Variants in KCNIP3 observed in about 807,000 individuals in gnomAD.
The protein encoded by KCNIP3 is calsenilin.
KCNIP3 carries 28 observed loss-of-function variants against 35.0 expected under a neutral mutation model. The ratio of observed to expected loss-of-function variants is 0.80; its 90% CI spans 0.59 to 1.10. KCNIP3 has a LOEUF of 1.10. Among genes scored for constraint, KCNIP3 ranks in the 50% least tolerant of loss-of-function variants. KCNIP3 has a pLI of 0.00. For missense variants in KCNIP3, 295 were observed against 338.4 expected (o/e 0.87, Z 1.01); for synonymous variants, 134 against 133.8 (o/e 1.00, Z -0.01).
chr2:95,366,060 C>A (rs764662121), intron 2 of KCNIP3, among the ~76,000 whole-genome samples: 2 of 152,022 alleles, frequency 1.3e-5, no homozygotes. Flanking sequence ...TAGCTCATGG[C>A]GGCCTTGAAC....
intron 2 of KCNIP3, among the ~76,000 whole-genome samples, chr2:95,324,126 C>T (rs1365878429): frequency 2.0e-5 from 3 of 152,348 alleles, no homozygotes; most frequent in Non-Finnish European, 2.9e-5. Flanking sequence ...GAGAGATGGG[C>T]GCTGGGCTGA....
At chr2:95,335,732 A>G (rs1215279721) in intron 2 of KCNIP3, among the ~76,000 whole-genome samples, 2 of 152,136 alleles carry the variant, frequency 1.3e-5, no homozygotes, top group Admixed American at 1.3e-4. Flanking sequence ...TTATTATCAT[A>G]ATTTATTCAA....
intron 2 of KCNIP3, among the ~76,000 whole-genome samples, chr2:95,344,848 G>A (rs2104262491): frequency 6.6e-6 from 1 of 152,340 alleles, no homozygotes; most frequent in African/African-American, 2.4e-5. Flanking sequence ...AGGAAACTGA[G>A]GCTTAGAGGG....
intron 2 of KCNIP3, among the ~76,000 whole-genome samples, chr2:95,370,392 C>T (rs1226572909): frequency 6.6e-6 from 1 of 152,226 alleles, no homozygotes; most frequent in African/African-American, 2.4e-5. Context: ...ATGTGGTTCA[C>T]AGTCCTAAAG....
chr2:95,345,194 C>G (rs1679316405), intron 2 of KCNIP3, among the ~76,000 whole-genome samples: 1 of 152,276 alleles, frequency 6.6e-6, no homozygotes, highest in Non-Finnish European at 1.5e-5. Flanking sequence ...CTCTCCCGGT[C>G]ATTTCCCACC....
intron 2 of KCNIP3, among the ~76,000 whole-genome samples, chr2:95,339,923 G>C (rs1419276424): frequency 1.3e-5 from 2 of 152,198 alleles, no homozygotes; most frequent in Non-Finnish European, 2.9e-5. Flanking sequence ...CTACCCTGTG[G>C]CTGTGTTCTC....
At chr2:95,383,745 G>A (rs1170709612) in intron 8 of KCNIP3, among the ~76,000 whole-genome samples, 1 of 152,222 alleles carries the variant, frequency 6.6e-6, no homozygotes, top group Non-Finnish European at 1.5e-5. Flanking sequence ...TCCTCTGGAG[G>A]CCAGCCGGGA....
chr2:95,309,109 T>G (rs1678249712), intron 1 of KCNIP3, among the ~76,000 whole-genome samples: 1 of 152,112 alleles, frequency 6.6e-6, no homozygotes, highest in Non-Finnish European at 1.5e-5. Context: ...TGAGGGCCAT[T>G]GGTGGGCTGT....
At chr2:95,344,602 G>A (rs1262525862) in intron 2 of KCNIP3, among the ~76,000 whole-genome samples, 1 of 152,196 alleles carries the variant, frequency 6.6e-6, no homozygotes, top group East Asian at 1.9e-4. Context: ...AAGCATCCAG[G>A]GAAACAGAGG....
chr2:95,331,233 C>T (rs1227820148), intron 2 of KCNIP3, among the ~76,000 whole-genome samples: 1 of 152,088 alleles, frequency 6.6e-6, no homozygotes, highest in Admixed American at 6.5e-5. Context: ...GAAGATGGGA[C>T]CGAAAGGATT....
At chr2:95,347,110 A>T (rs781259684) in intron 2 of KCNIP3, 4 of 1,610,392 alleles carry the variant, frequency 2.5e-6, no homozygotes, top group Non-Finnish European at 3.4e-6. Flanking sequence ...CCTGGAGCCC[A>T]TATCCATGGA....
At chr2:95,369,071 GT>G (rs1434890225) in intron 2 of KCNIP3, among the ~76,000 whole-genome samples, 2 of 152,134 alleles carry the variant, frequency 1.3e-5, no homozygotes, top group African/African-American at 4.8e-5. Context: ...GAAACATTCT[GT>G]TTTTTACCGT....
intron 2 of KCNIP3, among the ~76,000 whole-genome samples, chr2:95,325,321 G>T (rs1429092743): frequency 6.6e-6 from 1 of 152,190 alleles, no homozygotes; most frequent in African/African-American, 2.4e-5. Flanking sequence ...GTGGCAGGGA[G>T]TGCTGGCCGC....
chr2:95,349,673 C>CT (rs1679463701), intron 2 of KCNIP3, among the ~76,000 whole-genome samples: 1 of 152,228 alleles, frequency 6.6e-6, no homozygotes, highest in Non-Finnish European at 1.5e-5. Context: ...AGGGCATGGG[C>CT]CTGGCCAGAG....
At chr2:95,344,278 G>C (rs1679291616) in intron 2 of KCNIP3, among the ~76,000 whole-genome samples, 1 of 151,616 alleles carries the variant, frequency 6.6e-6, no homozygotes, top group Non-Finnish European at 1.5e-5. Context: ...GCGGGGTGGG[G>C]GGGGGCACAT....
At chr2:95,372,030 C>T (rs1680052424) in intron 2 of KCNIP3, among the ~76,000 whole-genome samples, 1 of 152,078 alleles carries the variant, frequency 6.6e-6, no homozygotes, top group African/African-American at 2.4e-5. Context: ...GTCTTGAGCG[C>T]CTGACCTCAG....
intron 1 of KCNIP3, among the ~76,000 whole-genome samples, chr2:95,306,025 G>A (rs1228310909): frequency 6.6e-6 from 1 of 152,178 alleles, no homozygotes; most frequent in African/African-American, 2.4e-5. Context: ...ACCGTGGTCG[G>A]GCTCTGTGGT....
intron 2 of KCNIP3, among the ~76,000 whole-genome samples, chr2:95,342,474 G>A (rs1404498074): frequency 5.9e-5 from 9 of 152,220 alleles, no homozygotes; most frequent in Admixed American, 2.6e-4. Context: ...GCATTAGTTA[G>A]GACCCTGTTG....
intron 2 of KCNIP3, among the ~76,000 whole-genome samples, chr2:95,325,504 A>G (rs1358504384): frequency 3.3e-5 from 5 of 152,074 alleles, no homozygotes; most frequent in African/African-American, 9.7e-5. Flanking sequence ...CAAGGCAGCC[A>G]TTGTCCCCTA....
Sources: gnomAD v4.1 joint callset for allele counts (sites outside exome capture counted in the v4.1 genomes callset) on GRCh38, gnomAD v4.1.1 for gene constraint, MANE v1.5 for transcripts, NCBI Gene and HGNC (gene_info 2026-07-23, HGNC 2026-07-21) for gene names.